The following RYR1 variants were observed in gnomAD, a reference collection of about 807,000 sequenced individuals.
The protein encoded by RYR1 is ryanodine receptor 1, also known as central core disease of muscle.
RYR1 carries 342 observed loss-of-function variants against 583.5 expected under a neutral mutation model. That is an observed-to-expected ratio of 0.59 (90% CI 0.54 to 0.64). The LOEUF (loss-of-function observed/expected upper bound fraction) is 0.64. Ranked by LOEUF, RYR1 falls within the 30% of genes least tolerant of loss-of-function variation. The pLI, the probability that RYR1 is intolerant of heterozygous loss-of-function variation, is 0.00. For synonymous variants in RYR1, 2,791 were observed against 2,822.5 expected, an observed-to-expected ratio of 0.99 and a Z score of 0.35; for missense variants, 6,032 against 6,917.2, an observed-to-expected ratio of 0.87 and a Z score of 4.54.
rs183420213 is a variant in RYR1 at position 38,442,595 on chromosome 19, C to A, written c.270+142C>A. ...CTCTTCTTCCTCTCTCTGCCCTGCC[C>A]CCCACAGGCCCTCAATTTGGATAAG... On this transcript the variant is annotated intron_variant, in intron 3 of 105. Coordinates refer to ENST00000359596, the MANE Select transcript of RYR1 (RefSeq NM_000540.3). The A allele has an allele frequency of 6.2e-4, 406 of 654,872 alleles. 1 individual carries two copies. Among genetic ancestry groups the A allele is most frequent in the African/African-American group, 5.6e-3 (312 of 55,956 alleles). 40.6% of individuals were successfully genotyped at this position (654,872 alleles called of 1,614,324 possible). A position where few individuals can be genotyped will look rare whatever the true frequency, so the allele number is the denominator to read the frequency against.
chr19:38,564,842 A>G, intron 90 of RYR1, 117 bp from the exon 91 acceptor site: 1 of 1,497,704 alleles, frequency 6.7e-7, no homozygotes, highest in Non-Finnish European at 8.9e-7. Flanking sequence ...CAAAATACCA[A>G]CAATGCATTT....
chr19:38,442,572 C>T, intron 3 of RYR1, 119 bp downstream of exon 3: 2 of 713,088 alleles, frequency 2.8e-6, no homozygotes, highest in Non-Finnish European at 5.1e-6. Flanking sequence ...ACCATCTGCT[C>T]TTCTTCCTCT....
chr19:38,496,267 C>T lies in RYR1; in HGVS notation c.6601C>T (p.Leu2201=). 6.2e-7 allele frequency: 1 copy of T among 1,613,998 alleles called. No individual in the cohort carries two copies. The highest frequency in any genetic ancestry group is 1.6e-4 in the Middle Eastern group (1 of 6,062). ...CCAACACCCGAACCTGATGAGGGCG[C>T]TGGGCATGCACGAGACGGTCATGGA... The part of the protein sequence containing the change: ...FYQHPNLMRA[L]GMHETVMEVM... The change falls in exon 40 of 106, where the codon CTG becomes TTG. Residue 2201 remains leucine, a synonymous_variant. Coordinates refer to ENST00000359596, the MANE Select transcript of RYR1 (RefSeq NM_000540.3). This position sits in a 1 kb window ranked among gnomAD's most constrained non-coding sequence, Gnocchi z 4.8.
chr19:38,489,129 A>T, intron 34 of RYR1, 48 bp from the exon 35 acceptor site: 1 of 1,561,962 alleles, frequency 6.4e-7, no homozygotes. Flanking sequence ...GGGCCTGATG[A>T]TGGAGGCCTT....
chr19:38,448,157 T>G (rs191557227), intron 9 of RYR1, among the ~76,000 whole-genome samples, 198 bp from the exon 10 acceptor site: 177 of 150,626 alleles, frequency 1.2e-3, no homozygotes, highest in Non-Finnish European at 2.3e-3. Flanking sequence ...CCAGGCCGGG[T>G]GCAGTGGCTC....
chr19:38,502,735 G>C lies in RYR1; in HGVS notation c.7835+8G>C. The C allele has an allele frequency of 2.5e-6, 4 of 1,587,156 alleles. No individual in the cohort carries two copies. Among genetic ancestry groups the C allele is most frequent in the Non-Finnish European group, 2.6e-6 (3 of 1,174,538 alleles). On this transcript the variant is annotated splice_region_variant and intron_variant, in intron 48 of 105. Transcript: ENST00000359596. The stretch of plus-strand genomic sequence containing the variant: ...CCTCATGTCGCTCTGCAGGTGGAGC[G>C]GGGCAGGCTTCAGGGTGGGGCAGGG...
chr19:38,520,649 C>T (rs1040115613), intron 67 of RYR1, among the ~76,000 whole-genome samples: 5 of 134,596 alleles, frequency 3.7e-5, no homozygotes, highest in Non-Finnish European at 7.6e-5. Context: ...GAGCTGAGAT[C>T]GTGTCACTGC....
chr19:38,455,839 T>G lies in RYR1; in HGVS notation c.1791+88T>G, dbSNP rs1967347152. 2.2e-5 allele frequency: 18 copies of G among 827,612 alleles called. No homozygotes were observed. The South Asian group carries it at 2.3e-4, about 11-fold the overall frequency. 51.3% of individuals were successfully genotyped at this position (827,612 alleles called of 1,614,324 possible). A position where few individuals can be genotyped will look rare whatever the true frequency, so the allele number is the denominator to read the frequency against. ...TCCAGAACTCTGCTCACTCCCTCAC[T>G]TCCCTCCTCCATCTCATCTCTCACC... On this transcript the variant is annotated intron_variant, in intron 16 of 105. Coordinates refer to ENST00000359596, the MANE Select transcript of RYR1 (RefSeq NM_000540.3).
intron 64 of RYR1, 140 bp from the exon 65 acceptor site, chr19:38,515,940 TAAAAAAC>T (rs1054930329): frequency 9.6e-7 from 1 of 1,037,834 alleles, no homozygotes; most frequent in African/African-American, 1.6e-5. Context: ...GACCCTGTCT[TAAAAAAC>T]AAAACAAGTG....
At position 38,483,345 on chromosome 19, in the gene RYR1, C is replaced by T. The variant is rs151029675; in HGVS notation, c.4763C>T (p.Pro1588Leu). ...MFQSERKNPA[P>L]QCPPRLEMQM... Reference sequence around the variant, plus strand: ...CAAAGCGAGCGCAAGAACCCGGCCCCGCAGTGCCCACCGCGGCTGGAGATG... The same window carrying T: ...CAAAGCGAGCGCAAGAACCCGGCCCTGCAGTGCCCACCGCGGCTGGAGATG... The change falls in exon 33 of 106, where the codon CCG (proline) becomes CTG (leucine). Residue 1588 changes from proline to leucine, a missense_variant. By Grantham distance (98) the Pro-to-Leu change is moderately conservative. Coordinates refer to ENST00000359596, the MANE Select transcript of RYR1 (RefSeq NM_000540.3). The surrounding 1 kb of genome is among the most constrained non-coding windows in gnomAD (Gnocchi z 6.3). 6.6e-5 allele frequency: 103 copies of T among 1,560,942 alleles called. No individual in the cohort carries two copies. The highest frequency in any genetic ancestry group is 1.4e-4 in the African/African-American group (10 of 73,824).
chr19:38,542,461 C>T (rs995481917), intron 84 of RYR1, among the ~76,000 whole-genome samples: 13 of 152,078 alleles, frequency 8.5e-5, no homozygotes, highest in East Asian at 1.9e-4. Flanking sequence ...GAATAAATGA[C>T]GCTCCACCAC....
chr19:38,480,406 A>C (rs1339726328), intron 31 of RYR1, among the ~76,000 whole-genome samples: 1 of 152,116 alleles, frequency 6.6e-6, no homozygotes, highest in Non-Finnish European at 1.5e-5. Flanking sequence ...AGCCTCCCAA[A>C]GTGATGGGAT....
Position 38,573,213 on chromosome 19 carries a change from G to A in RYR1, c.14035G>A (p.Ala4679Thr), listed in dbSNP as rs1378518749. The change falls in exon 96 of 106, where the codon GCC becomes ACC. Residue 4679 changes from alanine (A) to threonine (T), a missense_variant. This residue lies in a region of RYR1 where 188 missense variants were observed against 215.6 expected (regional missense o/e 0.87). Coordinates refer to ENST00000359596, the MANE Select transcript of RYR1 (RefSeq NM_000540.3). ...LVIFKREKELARKLEFDGLYI... is the reference protein window; with the variant it reads ...LVIFKREKELTRKLEFDGLYI... ...AATCTTTAAGCGGGAGAAGGAGCTG[G>A]CCCGGAAGCTGGAGTTTGATGGCCT... 7.4e-6 allele frequency: 12 copies of A among 1,613,876 alleles called. No homozygotes were observed. Among genetic ancestry groups the A allele is most frequent in the Admixed American group, 1.7e-5 (1 of 59,986 alleles).
intron 49 of RYR1, 91 bp downstream of exon 49, chr19:38,503,061 C>G: frequency 7.9e-7 from 1 of 1,265,292 alleles, no homozygotes; most frequent in Non-Finnish European, 1.1e-6. Flanking sequence ...TGTGTCGGCA[C>G]TGCCCAGCCC....
Position 38,517,707 on chromosome 19 carries a change from C to G in RYR1, c.10018+16C>G, listed in dbSNP as rs979368424. ...CGGCTGGCTGGTGGGTCGGGGGGCA[C>G]TGGGCCTCTGAGGGGTGGGTCAGCA... On this transcript the variant is annotated intron_variant, in intron 66 of 105. Transcript: ENST00000359596. The G allele has an allele frequency of 2.5e-6, 4 of 1,612,030 alleles. No individual in the cohort carries two copies. The highest frequency in any genetic ancestry group is 1.3e-5 in the African/African-American group (1 of 74,854).
intron 89 of RYR1, among the ~76,000 whole-genome samples, chr19:38,559,877 A>G (rs1973047597): frequency 6.6e-6 from 1 of 151,298 alleles, no homozygotes. Flanking sequence ...AAAATAGAAC[A>G]CTGCAGAGTG....
Position 38,448,827 on chromosome 19 carries a change from C to T in RYR1, c.1122+14C>T, listed in dbSNP as rs987550540. ...CTCAAGAAGAAGGTGGGTGTAATCCCAGCTACTCAGGAGGCTGAGGTGGGA... is the reference window on the plus strand; with the variant it reads ...CTCAAGAAGAAGGTGGGTGTAATCCTAGCTACTCAGGAGGCTGAGGTGGGA... On this transcript the variant is annotated intron_variant, in intron 11 of 105. Transcript: ENST00000359596. 3 of 1,612,194 alleles carry T rather than the reference C, an allele frequency of 1.9e-6. No individual in the cohort carries two copies. The highest frequency in any genetic ancestry group is 2.5e-6 in the Non-Finnish European group (3 of 1,179,442).
intron 83 of RYR1, chr19:38,537,021 T>C (rs1354783704): frequency 1.7e-6 from 1 of 590,494 alleles, no homozygotes; most frequent in African/African-American, 1.9e-5. Flanking sequence ...TTTCCCCATG[T>C]GTGAAGCAGA....
At chr19:38,443,385 G>A (rs1044292596) in intron 3 of RYR1, among the ~76,000 whole-genome samples, 173 bp from the exon 4 acceptor site, 1 of 152,184 alleles carries the variant, frequency 6.6e-6, no homozygotes, top group Non-Finnish European at 1.5e-5. Context: ...TCCGTGAATG[G>A]GGAAACTGAG....
Sources: gnomAD v4.1 joint callset for allele counts (sites outside exome capture counted in the v4.1 genomes callset) on GRCh38, gnomAD v4.1.1 for gene constraint, gnomAD v4.1.1 regional missense constraint, Gnocchi (gnomAD v3.1) non-coding constraint, MANE v1.5 for transcripts, NCBI Gene and HGNC (gene_info 2026-07-23, HGNC 2026-07-21) for gene names.